ST7: variants seen among roughly 807,000 people sequenced by gnomAD.
ST7 encodes the protein suppression of tumorigenicity 7, also known as suppressor of tumorigenicity 7 protein.
A neutral mutation model predicts 78.7 loss-of-function variants in ST7; 28 were observed. That is an observed-to-expected ratio of 0.36 (90% CI 0.26 to 0.49). The LOEUF (loss-of-function observed/expected upper bound fraction) is 0.49, where lower values mean the gene tolerates loss of function less well. Ranked by LOEUF, ST7 falls within the 20% of genes least tolerant of loss-of-function variation. ST7 has a pLI of 0.99. For synonymous variants in ST7, 247 were observed against 249.6 expected (o/e 0.99, Z 0.10); for missense variants, 418 against 696.0 (o/e 0.60, Z 4.49).
In ST7 at chr7:116,972,797, T is replaced by C. The variant is rs977845292; in HGVS notation, c.151+19106T>C. 2.9e-5 allele frequency: 28 copies of C among 960,604 alleles called. No individual in the cohort carries two copies. The Admixed American group carries it at 3.6e-4, about 12-fold the overall frequency. The allele number at this position is 960,604 out of a possible 1,614,324, so 59.5% of individuals were successfully genotyped here. ...GCCTCAGCCTGTTCCTGGGAACACC[T>C]TTCTCCCTCAACTTCTCACTGGAGA... On this transcript the variant is annotated intron_variant, in intron 1 of 15. Coordinates refer to ENST00000323984, the MANE Select transcript of ST7 (RefSeq NM_001369598.1).
At chr7:117,036,425 T>A (rs1028375545) in intron 1 of ST7, among the ~76,000 whole-genome samples, 2 of 152,234 alleles carry the variant, frequency 1.3e-5, no homozygotes, top group Admixed American at 1.3e-4. Context: ...TGGAACTGGT[T>A]AATCTGGTCA....
In ST7 at chr7:116,953,508, A is replaced by C. The variant is rs778870159; in HGVS notation, c.-33A>C. ...CCGGTGAATCATCCCGGCAGACACC[A>C]AGAGCCGCGGCAGCAGAGAGGAGCG... On this transcript the variant is annotated 5_prime_UTR_variant, in exon 1 of 16. Coordinates refer to ENST00000323984, the MANE Select transcript of ST7 (RefSeq NM_001369598.1). The C allele has an allele frequency of 1.5e-6, 2 of 1,291,394 alleles. No homozygotes were observed. The highest frequency in any genetic ancestry group is 2.0e-6 in the Non-Finnish European group (2 of 992,396). The allele number at this position is 1,291,394 out of a possible 1,614,324, so 80.0% of individuals were successfully genotyped here.
intron 1 of ST7, among the ~76,000 whole-genome samples, chr7:117,089,494 CA>C (rs930283853): frequency 1.3e-5 from 2 of 148,428 alleles, no homozygotes; most frequent in South Asian, 2.1e-4. Flanking sequence ...CAAAACAAAA[CA>C]AAAAAAAACC....
intron 9 of ST7, among the ~76,000 whole-genome samples, chr7:117,160,449 T>G (rs1288783096): frequency 6.6e-6 from 1 of 151,844 alleles, no homozygotes; most frequent in African/African-American, 2.4e-5. Flanking sequence ...AAACTTCACT[T>G]TCCCTGGGTA....
intron 2 of ST7, among the ~76,000 whole-genome samples, chr7:117,109,376 G>C (rs1802238008): frequency 6.6e-6 from 1 of 152,092 alleles, no homozygotes; most frequent in African/African-American, 2.4e-5. Flanking sequence ...AAACGAAATA[G>C]GAGATATTAC....
At chr7:117,099,021 T>C (rs578162228) in intron 1 of ST7, among the ~76,000 whole-genome samples, 1 of 135,030 alleles carries the variant, frequency 7.4e-6, no homozygotes, top group South Asian at 2.4e-4. Flanking sequence ...TTTATTCCTT[T>C]ACTTTCTTAA....
At chr7:117,196,141 C>T (rs1810284559) in intron 12 of ST7, among the ~76,000 whole-genome samples, 1 of 152,154 alleles carries the variant, frequency 6.6e-6, no homozygotes, top group Non-Finnish European at 1.5e-5. Context: ...AATATATATG[C>T]CACATTGTCT....
At chr7:117,044,323 G>A (rs80017936) in intron 1 of ST7, among the ~76,000 whole-genome samples, 2,673 of 152,256 alleles carry the variant, frequency 0.018, 88 homozygotes, top group African/African-American at 0.061. Context: ...TGAAAGCTCG[G>A]CAGGTACTAG....
chr7:117,043,315 G>C (rs1334938870), intron 1 of ST7, among the ~76,000 whole-genome samples: 1 of 152,158 alleles, frequency 6.6e-6, no homozygotes, highest in Admixed American at 6.5e-5. Flanking sequence ...TAGAGTTGTT[G>C]TTAGAAATTG....
chr7:116,998,251 C>T (rs112424948), intron 1 of ST7, among the ~76,000 whole-genome samples: 2,020 of 152,332 alleles, frequency 0.013, 43 homozygotes, highest in African/African-American at 0.042. Flanking sequence ...TGCTAAGCCC[C>T]TCACTGCCCT....
intron 1 of ST7, among the ~76,000 whole-genome samples, chr7:116,998,999 G>T (rs1190440562): frequency 2.0e-5 from 3 of 152,158 alleles, no homozygotes; most frequent in African/African-American, 7.2e-5. Flanking sequence ...TATGTGCTAG[G>T]CATTTTGCAT....
chr7:117,211,062 T>C (rs1394502151), intron 13 of ST7, among the ~76,000 whole-genome samples: 1 of 152,064 alleles, frequency 6.6e-6, no homozygotes, highest in Non-Finnish European at 1.5e-5. Flanking sequence ...CCAGCAGGAG[T>C]CCAAGTTGGT....
chr7:117,217,281 G>T, intron 13 of ST7, among the ~76,000 whole-genome samples: 1 of 145,480 alleles, frequency 6.9e-6, no homozygotes, highest in African/African-American at 2.6e-5. Context: ...GGAGAATCTG[G>T]ATTTGGGAAA....
In ST7 at chr7:117,169,715, C is replaced by T. The variant is rs1448253607; in HGVS notation, c.964-1147C>T. On this transcript the variant is annotated intron_variant, in intron 9 of 15. Coordinates refer to ENST00000323984, the MANE Select transcript of ST7 (RefSeq NM_001369598.1). The stretch of plus-strand genomic sequence containing the variant: ...CTACTGTACCTGGGCTGCTGGCCAC[C>T]GCTAGGTAAAACTTGACAACCATGG... Among the ~76,000 whole-genome samples, 5 of 152,024 alleles carry T rather than the reference C, an allele frequency of 3.3e-5. No individual in the cohort carries two copies. The East Asian group carries it at 5.8e-4, about 18-fold the overall frequency.
chr7:117,228,507 C>G (rs1398814704), intron 15 of ST7, among the ~76,000 whole-genome samples: 1 of 152,184 alleles, frequency 6.6e-6, no homozygotes, highest in African/African-American at 2.4e-5. Context: ...TTATATGGAT[C>G]TCGCATTTGA....
chr7:116,983,336 TC>T (rs1167309866), intron 1 of ST7, among the ~76,000 whole-genome samples: 2 of 152,168 alleles, frequency 1.3e-5, no homozygotes, highest in African/African-American at 4.8e-5. Flanking sequence ...GAAATGTGGG[TC>T]CCATTATCCT....
chr7:116,996,711 G>A (rs149517629), intron 1 of ST7, among the ~76,000 whole-genome samples: 5 of 152,204 alleles, frequency 3.3e-5, no homozygotes, highest in African/African-American at 1.2e-4. Context: ...TTTCCTCATG[G>A]TGCAAATGAA....
intron 1 of ST7, chr7:116,956,355 C>T (rs1057292617): frequency 2.3e-5 from 9 of 393,388 alleles, no homozygotes; most frequent in Non-Finnish European, 4.7e-5. Context: ...AGGAGCTAGC[C>T]TGGTCTAACT....
chr7:117,011,316 G>T (rs1795374907), intron 1 of ST7, among the ~76,000 whole-genome samples: 2 of 152,170 alleles, frequency 1.3e-5, no homozygotes, highest in African/African-American at 4.8e-5. Context: ...CCTTTGAGGA[G>T]GGGCTGTTCC....
Sources: gnomAD v4.1 joint callset for allele counts (sites outside exome capture counted in the v4.1 genomes callset) on GRCh38, gnomAD v4.1.1 for gene constraint, MANE v1.5 for transcripts, NCBI Gene and HGNC (gene_info 2026-07-23, HGNC 2026-07-21) for gene names.